Variants in TRDN observed in about 807,000 individuals in gnomAD.
The protein encoded by TRDN is triadin.
A neutral mutation model predicts 149.7 loss-of-function variants in TRDN; 161 were observed. The observed-to-expected ratio is 1.08, with a 90% CI of 0.95 to 1.23. The LOEUF (loss-of-function observed/expected upper bound fraction) is 1.23, where lower values mean the gene tolerates loss of function less well. TRDN is among the 50% of genes most tolerant of loss of function. TRDN has a pLI of 0.00. For missense variants in TRDN, 896 were observed against 823.5 expected, an observed-to-expected ratio of 1.09 and a Z score of -1.08; for synonymous variants, 294 against 250.5, an observed-to-expected ratio of 1.17 and a Z score of -1.64.
In TRDN at chr6:123,255,856, TA is replaced by T. The variant is rs1371429325; in HGVS notation, c.1906+10del. 6 of 1,340,964 alleles carry T rather than the reference TA, an allele frequency of 4.5e-6. No individual in the cohort carries two copies. Among genetic ancestry groups the T allele is most frequent in the South Asian group, 1.8e-5 (1 of 56,814 alleles). 83.1% of individuals were successfully genotyped at this position (1,340,964 alleles called of 1,614,324 possible). On this transcript the variant is annotated intron_variant, in intron 36 of 40. Transcript: ENST00000334268. Reference sequence around the variant, plus strand: ...CTTTGCATTCTATTTTTTATTCTTTTAAAAAATTACCTTTTTCTTCTCTAAG... The same window carrying T: ...CTTTGCATTCTATTTTTTATTCTTTTAAAAATTACCTTTTTCTTCTCTAAG...
chr6:123,352,616 A>G (rs1179763418), intron 20 of TRDN, 30 bp from the exon 21 acceptor site: 12 of 1,592,320 alleles, frequency 7.5e-6, no homozygotes, highest in African/African-American at 1.4e-5. Context: ...TTTAAAGAAG[A>G]GTTCCAGACA....
chr6:123,322,868 T>C lies in TRDN; in HGVS notation c.1472-6373A>G, dbSNP rs76522620. On this transcript the variant is annotated intron_variant, in intron 23 of 40. Coordinates refer to ENST00000334268, the MANE Select transcript of TRDN (RefSeq NM_006073.4). ...ATTAGCCAGGATGGTGTTGATCTCC[T>C]GACCTCGTGATCCACCTGCCTCAGC... 3.3e-3 allele frequency among the ~76,000 whole-genome samples: 500 copies of C among 151,682 alleles called. 16 individuals carry two copies. In the East Asian group the frequency reaches 0.076, roughly 23 times the overall value.
At chr6:123,501,207 T>C (rs1054154442) in intron 8 of TRDN, among the ~76,000 whole-genome samples, 4 of 152,238 alleles carry the variant, frequency 2.6e-5, no homozygotes, top group Non-Finnish European at 5.9e-5. Flanking sequence ...TATTCATATG[T>C]ATACTATGTA....
rs1291573846 is a variant in TRDN at position 123,399,648 on chromosome 6, A to T, written c.1052-5971T>A. Reference sequence around the variant, plus strand: ...GTCCTAGATGTTTTTGCCTAAAGCAAAGAGACAGTACCAGCTGGTCACTCA... The same window carrying T: ...GTCCTAGATGTTTTTGCCTAAAGCATAGAGACAGTACCAGCTGGTCACTCA... On this transcript the variant is annotated intron_variant, in intron 12 of 40. Coordinates refer to ENST00000334268, the MANE Select transcript of TRDN (RefSeq NM_006073.4). Among the ~76,000 whole-genome samples, 14 of 152,282 alleles carry T rather than the reference A, an allele frequency of 9.2e-5. No individual in the cohort carries two copies. The East Asian group carries it at 2.7e-3, about 29-fold the overall frequency.
At chr6:123,286,418 A>T (rs1777806215) in intron 24 of TRDN, among the ~76,000 whole-genome samples, 1 of 152,092 alleles carries the variant, frequency 6.6e-6, no homozygotes, top group African/African-American at 2.4e-5. Context: ...AAATGAAGTA[A>T]CTCTGGATTG....
chr6:123,355,602 G>C (rs1269421113), intron 20 of TRDN, among the ~76,000 whole-genome samples: 1 of 151,456 alleles, frequency 6.6e-6, no homozygotes, highest in Non-Finnish European at 1.5e-5. Flanking sequence ...TTAGACATTT[G>C]CTTTTTCATA....
intron 1 of TRDN, among the ~76,000 whole-genome samples, chr6:123,621,557 C>A (rs955424595): frequency 1.3e-5 from 2 of 152,034 alleles, no homozygotes; most frequent in Admixed American, 6.6e-5. Flanking sequence ...TAAACAGTGA[C>A]TTTTATGCAA....
chr6:123,357,924 T>G (rs1780745621), intron 20 of TRDN, among the ~76,000 whole-genome samples: 1 of 152,170 alleles, frequency 6.6e-6, no homozygotes, highest in Admixed American at 6.5e-5. Context: ...GAAATGCTGA[T>G]TATCTATACA....
At chr6:123,467,004 A>G (rs1448255017) in intron 9 of TRDN, among the ~76,000 whole-genome samples, 1 of 152,090 alleles carries the variant, frequency 6.6e-6, no homozygotes, top group Non-Finnish European at 1.5e-5. Context: ...ACTATTACCT[A>G]TATTTAGATT....
chr6:123,520,582 T>C (rs1035479227), intron 5 of TRDN, among the ~76,000 whole-genome samples: 1 of 152,216 alleles, frequency 6.6e-6, no homozygotes, highest in African/African-American at 2.4e-5. Context: ...TACTTTCATT[T>C]ACCTATTAAA....
intron 13 of TRDN, among the ~76,000 whole-genome samples, chr6:123,388,761 GA>G (rs1022151752): frequency 1.3e-4 from 19 of 151,924 alleles, no homozygotes; most frequent in East Asian, 3.9e-4. Context: ...AGCAAAAGAA[GA>G]AAAAAATATA....
chr6:123,513,117 A>G (rs575466983), intron 6 of TRDN, among the ~76,000 whole-genome samples: 164 of 152,268 alleles, frequency 1.1e-3, no homozygotes, highest in African/African-American at 3.9e-3. Flanking sequence ...AGAGCTGCTG[A>G]GAGACCAGGT....
At chr6:123,447,520 C>T (rs773966504) in intron 10 of TRDN, among the ~76,000 whole-genome samples, 2 of 152,058 alleles carry the variant, frequency 1.3e-5, no homozygotes, top group African/African-American at 2.4e-5. Context: ...GCCTGTGGGG[C>T]CCAGCATGAA....
chr6:123,363,623 C>T (rs1451935050), intron 20 of TRDN, among the ~76,000 whole-genome samples: 1 of 152,072 alleles, frequency 6.6e-6, no homozygotes, highest in Non-Finnish European at 1.5e-5. Context: ...CTTTCACTTC[C>T]CTCTAAGCCT....
intron 38 of TRDN, among the ~76,000 whole-genome samples, chr6:123,237,614 C>T (rs913031360): frequency 1.1e-4 from 16 of 152,142 alleles, no homozygotes; most frequent in African/African-American, 3.4e-4. Flanking sequence ...TTTAGATTTG[C>T]TACATAGACA....
Position 123,501,587 on chromosome 6 carries a change from A to T in TRDN, c.793+2132T>A, listed in dbSNP as rs1466883486. Among the ~76,000 whole-genome samples the T allele has an allele frequency of 2.0e-5, 3 of 152,212 alleles. No homozygotes were observed. In the East Asian group the frequency reaches 5.8e-4, roughly 29 times the overall value. On this transcript the variant is annotated intron_variant, in intron 8 of 40. Transcript: ENST00000334268. ...TTAGTAACAAAAAATGAAAAATAAA[A>T]TGACATATTTATATGTCTGATCTGC... is the stretch of plus-strand genomic sequence containing the variant.
Position 123,291,490 on chromosome 6 carries a change from G to C in TRDN, c.1511-12408C>G, listed in dbSNP as rs1308861182. On this transcript the variant is annotated intron_variant, in intron 24 of 40. Coordinates refer to ENST00000334268, the MANE Select transcript of TRDN (RefSeq NM_006073.4). ...TGAGGCAGGAGAATGGCATGAACCC[G>C]GGAGGCAGAGCTTGCAGTGAGCCGA... Among the ~76,000 whole-genome samples the C allele has an allele frequency of 2.6e-5, 4 of 151,068 alleles. No individual in the cohort carries two copies. The South Asian group carries it at 6.3e-4, about 24-fold the overall frequency.
chr6:123,515,359 A>G lies in TRDN; in HGVS notation c.550+782T>C, dbSNP rs1289601956. ...TAGAAATGAAGAACTTAATGAATAA[A>G]ATAAAAATTAAATTAACTTTAACAA... On this transcript the variant is annotated intron_variant, in intron 6 of 40. Coordinates refer to ENST00000334268, the MANE Select transcript of TRDN (RefSeq NM_006073.4). Among the ~76,000 whole-genome samples, 5 of 152,190 alleles carry G rather than the reference A, an allele frequency of 3.3e-5. No individual in the cohort carries two copies. In the East Asian group the frequency reaches 7.7e-4, roughly 23 times the overall value.
rs554562152 is a variant in TRDN at position 123,593,319 on chromosome 6, G to A, written c.23-22187C>T. 4.6e-5 allele frequency among the ~76,000 whole-genome samples: 7 copies of A among 152,282 alleles called. No individual in the cohort carries two copies. In the South Asian group the frequency reaches 6.2e-4, roughly 14 times the overall value. On this transcript the variant is annotated intron_variant, in intron 1 of 40. Transcript: ENST00000334268. ...TTCAGAAGCCACAATGGCTCAAAGA[G>A]CACTTCGGTAATAAAATGAGGCCAT... is the stretch of plus-strand genomic sequence containing the variant.
Sources: allele counts gnomAD v4.1 joint callset (sites outside exome capture counted in the v4.1 genomes callset), GRCh38; gene constraint gnomAD v4.1.1; transcripts MANE v1.5; gene names NCBI Gene and HGNC (gene_info 2026-07-23, HGNC 2026-07-21).